The following MSRA variants were observed in gnomAD, a reference collection of about 807,000 sequenced individuals.
MSRA encodes mitochondrial peptide methionine sulfoxide reductase.
MSRA carries 54 observed loss-of-function variants against 31.3 expected under a neutral mutation model. That is an observed-to-expected ratio of 1.73 (90% CI 1.39 to 2.17). The LOEUF is 2.17. Ranked by LOEUF, MSRA falls within the 30% of genes most tolerant of loss-of-function variation. MSRA has a pLI of 0.00. For missense variants in MSRA, 507 were observed against 300.9 expected (o/e 1.69, Z -5.07); for synonymous variants, 169 against 116.5 (o/e 1.45, Z -2.90).
chr8:10,269,152 G>A (rs905898589), intron 3 of MSRA, among the ~76,000 whole-genome samples: 3 of 152,198 alleles, frequency 2.0e-5, no homozygotes, highest in Non-Finnish European at 4.4e-5. Context: ...GCTGCTGCAC[G>A]TTGTGCTCAG....
intron 5 of MSRA, among the ~76,000 whole-genome samples, chr8:10,332,920 G>T (rs1455864271): frequency 6.6e-6 from 1 of 152,206 alleles, no homozygotes; most frequent in Non-Finnish European, 1.5e-5. Context: ...GGCCTTTGCT[G>T]CAGTGGCAGG....
intron 1 of MSRA, among the ~76,000 whole-genome samples, chr8:10,113,301 T>TTTTTTTTTTTTTTTTTTTTTTTA (rs1800433455): frequency 8.1e-6 from 1 of 124,152 alleles, no homozygotes; most frequent in Non-Finnish European, 1.7e-5. Context: ...TCTTTTTTTT[T>TTTTTTTTTTTTTTTTTTTTTTTA]TTTTTTTTTT....
intron 3 of MSRA, among the ~76,000 whole-genome samples, chr8:10,297,270 G>A (rs969428806): frequency 3.9e-5 from 6 of 152,096 alleles, no homozygotes; most frequent in South Asian, 2.1e-4. Context: ...TCTTCCTCTG[G>A]GGCTGTGGGG....
intron 1 of MSRA, among the ~76,000 whole-genome samples, chr8:10,190,811 G>GT: frequency 6.6e-6 from 1 of 152,252 alleles, no homozygotes; most frequent in African/African-American, 2.4e-5. Flanking sequence ...ACATTGCTAT[G>GT]TGTTCAACTG....
chr8:10,061,774 G>A (rs1797200228), intron 1 of MSRA, among the ~76,000 whole-genome samples: 1 of 152,202 alleles, frequency 6.6e-6, no homozygotes, highest in Non-Finnish European at 1.5e-5. Flanking sequence ...TTTTCCAGTA[G>A]TGGTGATAGA....
chr8:10,301,725 C>G (rs1800859884), intron 4 of MSRA, 87 bp downstream of exon 4: 1 of 1,030,188 alleles, frequency 9.7e-7, no homozygotes, highest in African/African-American at 1.6e-5. Flanking sequence ...AGAGATGAAC[C>G]TTGAAATCAC....
chr8:10,121,061 C>A (rs571816580), intron 1 of MSRA, among the ~76,000 whole-genome samples: 1 of 152,184 alleles, frequency 6.6e-6, no homozygotes, highest in Non-Finnish European at 1.5e-5. Context: ...AGGGTAGTCA[C>A]TTAAAAAATG....
At chr8:10,069,621 A>G (rs1483862402) in intron 1 of MSRA, among the ~76,000 whole-genome samples, 1 of 152,240 alleles carries the variant, frequency 6.6e-6, no homozygotes. Context: ...GCAGAAGAAC[A>G]GAAAAGTGAG....
At chr8:10,186,566 T>C (rs1232514230) in intron 1 of MSRA, among the ~76,000 whole-genome samples, 1 of 152,198 alleles carries the variant, frequency 6.6e-6, no homozygotes, top group Non-Finnish European at 1.5e-5. Context: ...GCCATGGTTT[T>C]GCCAATCCCC....
chr8:10,173,798 A>G (rs1274530527), intron 1 of MSRA, among the ~76,000 whole-genome samples: 3 of 152,168 alleles, frequency 2.0e-5, no homozygotes, highest in African/African-American at 7.2e-5. Context: ...AGTCTGTCCC[A>G]TCTTAGGCAT....
At chr8:10,170,199 T>A (rs1805478334) in intron 1 of MSRA, among the ~76,000 whole-genome samples, 1 of 151,990 alleles carries the variant, frequency 6.6e-6, no homozygotes, top group African/African-American at 2.4e-5. Flanking sequence ...CTTGGTATTT[T>A]CTATATGGAC....
intron 5 of MSRA, among the ~76,000 whole-genome samples, chr8:10,414,182 C>T (rs779610354): frequency 6.6e-6 from 1 of 151,716 alleles, no homozygotes; most frequent in Non-Finnish European, 1.5e-5. Context: ...AAAAAAAAAA[C>T]GAATTTTATG....
intron 5 of MSRA, among the ~76,000 whole-genome samples, chr8:10,424,293 G>T (rs934020602): frequency 7.2e-5 from 11 of 152,234 alleles, no homozygotes; most frequent in Non-Finnish European, 1.5e-5. Flanking sequence ...AGGCTGAAAA[G>T]GTAGAAGATG....
chr8:10,057,852 T>A (rs1802480974), intron 1 of MSRA, among the ~76,000 whole-genome samples: 1 of 152,222 alleles, frequency 6.6e-6, no homozygotes, highest in Non-Finnish European at 1.5e-5. Flanking sequence ...TAATTAAACC[T>A]CTCTTCTTTA....
At chr8:10,325,953 A>C (rs1416895160) in intron 5 of MSRA, among the ~76,000 whole-genome samples, 1 of 152,220 alleles carries the variant, frequency 6.6e-6, no homozygotes, top group South Asian at 2.1e-4. Context: ...TCTGTACTGT[A>C]GTCAGAAACA....
At chr8:10,413,990 C>G (rs1242561014) in intron 5 of MSRA, among the ~76,000 whole-genome samples, 1 of 152,008 alleles carries the variant, frequency 6.6e-6, no homozygotes, top group African/African-American at 2.4e-5. Context: ...CATAGCGAGA[C>G]CCCATCTCTA....
intron 1 of MSRA, among the ~76,000 whole-genome samples, chr8:10,158,401 C>T (rs562485764): frequency 4.5e-4 from 68 of 152,332 alleles, no homozygotes; most frequent in African/African-American, 1.3e-3. Context: ...CCCCAGCTAT[C>T]GGCACAATAA....
At chr8:10,217,299 G>A (rs1468615922) in intron 2 of MSRA, among the ~76,000 whole-genome samples, 2 of 152,184 alleles carry the variant, frequency 1.3e-5, no homozygotes, top group African/African-American at 2.4e-5. Flanking sequence ...CGCAAGTCTC[G>A]TGGCTGTTTG....
chr8:10,144,640 C>T (rs1802987315), intron 1 of MSRA, among the ~76,000 whole-genome samples: 2 of 144,614 alleles, frequency 1.4e-5, no homozygotes, highest in South Asian at 2.4e-4. Flanking sequence ...TCCTTGATCT[C>T]TGCAATGTGC....
Sources: allele counts gnomAD v4.1 joint callset (sites outside exome capture counted in the v4.1 genomes callset), GRCh38; gene constraint gnomAD v4.1.1; transcripts MANE v1.5; gene names NCBI Gene and HGNC (gene_info 2026-07-23, HGNC 2026-07-21).